The following BTG4 variants were observed in gnomAD, a reference collection of about 807,000 sequenced individuals.
BTG4 encodes the protein BTG anti-proliferation factor 4, also known as protein BTG4.
In BTG4, 10 loss-of-function variants were observed where a neutral mutation model predicts 19.3. That is an observed-to-expected ratio of 0.52 (90% CI 0.32 to 0.88). The LOEUF (loss-of-function observed/expected upper bound fraction) is 0.88. BTG4 is among the 40% of genes least tolerant of loss of function. The pLI, the probability that BTG4 is intolerant of heterozygous loss-of-function variation, is 0.04. For missense variants in BTG4, 238 were observed against 281.9 expected (o/e 0.84, Z 1.11); for synonymous variants, 91 against 95.7 (o/e 0.95, Z 0.29).
chr11:111,498,869 T>A, intron 1 of BTG4, 67 bp from the exon 2 acceptor site: 1 of 1,156,310 alleles, frequency 8.6e-7, no homozygotes, highest in Non-Finnish European at 1.2e-6. Flanking sequence ...AATATTTAAC[T>A]GCCATTTGGA....
chr11:111,506,482 G>C (rs1211338129), intron 1 of BTG4, among the ~76,000 whole-genome samples: 1 of 152,012 alleles, frequency 6.6e-6, no homozygotes, highest in Admixed American at 6.6e-5. Flanking sequence ...GACTCCAAAG[G>C]TGGGTGGGGA....
At chr11:111,502,363 A>C (rs1021619564) in intron 1 of BTG4, among the ~76,000 whole-genome samples, 1 of 152,220 alleles carries the variant, frequency 6.6e-6, no homozygotes, top group African/African-American at 2.4e-5. Flanking sequence ...GCAAAAGTGG[A>C]AATCATTAAG....
At chr11:111,408,344 C>T in the BTG4 span, among the ~76,000 whole-genome samples, 6 of 152,204 alleles carry the variant, frequency 3.9e-5, no homozygotes, top group Non-Finnish European at 7.3e-5. Context: ...CTTACTGCTC[C>T]TGGGGAAGAG....
chr11:111,471,058 C>T (rs921418117), intron 5 of BTG4, among the ~76,000 whole-genome samples: 1 of 152,090 alleles, frequency 6.6e-6, no homozygotes, highest in Non-Finnish European at 1.5e-5. Flanking sequence ...TTCTTATGAA[C>T]AAGAACATAT....
chr11:111,488,750 A>G (rs1039262192), intron 5 of BTG4, among the ~76,000 whole-genome samples: 1 of 152,190 alleles, frequency 6.6e-6, no homozygotes, highest in Admixed American at 6.5e-5. Flanking sequence ...CTCAATAGGG[A>G]AAAAAATTCA....
At chr11:111,439,178 G>A in the BTG4 span, among the ~76,000 whole-genome samples, 3 of 152,248 alleles carry the variant, frequency 2.0e-5, no homozygotes, top group Non-Finnish European at 2.9e-5. Context: ...TCTCAGCTGA[G>A]TTTAAAGTTT....
At position 111,498,119 on chromosome 11, in the gene BTG4, T is replaced by G. The variant is rs1865850908; in HGVS notation, c.190A>C (p.Asn64His). The change falls in exon 3 of 5, where the codon AAC becomes CAC. Residue 64 changes from asparagine (N) to histidine (H), a missense_variant. Transcript: ENST00000692032. The part of the protein sequence containing the change: ...GQAFRCIRIN[N>H]NQNKDPILER... ...AGAATGGGATCTTTATTCTGATTGT[T>G]GTTTATCCTGATGCACCTTTTTAAA... The G allele has an allele frequency of 6.2e-7, 1 of 1,613,962 alleles. No homozygotes were observed. The highest frequency in any genetic ancestry group is 1.7e-5 in the Admixed American group (1 of 60,006).
the BTG4 span, chr11:111,462,095 C>T: frequency 6.5e-6 from 1 of 152,732 alleles, no homozygotes; most frequent in African/African-American, 2.4e-5. Flanking sequence ...ACAGTTTTCT[C>T]TTTGAAAGTT....
At chr11:111,495,958 T>A (rs1865701214) in intron 4 of BTG4, among the ~76,000 whole-genome samples, 1 of 152,160 alleles carries the variant, frequency 6.6e-6, no homozygotes, top group South Asian at 2.1e-4. Flanking sequence ...AAGTCACTGT[T>A]TCCAAGAAAC....
the BTG4 span, among the ~76,000 whole-genome samples, chr11:111,413,800 G>T: frequency 6.6e-6 from 1 of 152,198 alleles, no homozygotes; most frequent in African/African-American, 2.4e-5. Flanking sequence ...GAAGAGAAGG[G>T]GACAGATGAG....
chr11:111,432,051 A>C, the BTG4 span, among the ~76,000 whole-genome samples: 4 of 152,244 alleles, frequency 2.6e-5, no homozygotes, highest in Non-Finnish European at 5.9e-5. Context: ...AGTGCAAATC[A>C]GTAAGCACTT....
chr11:111,497,945 C>T (rs752040256), intron 3 of BTG4, 53 bp downstream of exon 3: 7 of 1,575,532 alleles, frequency 4.4e-6, no homozygotes, highest in Admixed American at 1.7e-5. Context: ...GTAAAGTTGT[C>T]TAACTTAAGG....
intron 3 of BTG4, 87 bp downstream of exon 3, chr11:111,497,911 G>T: frequency 7.0e-7 from 1 of 1,430,674 alleles, no homozygotes; most frequent in Non-Finnish European, 9.5e-7. Flanking sequence ...CAAGGCTTTG[G>T]GGCATCATCT....
At position 111,497,135 on chromosome 11, in the gene BTG4, T is replaced by C. The variant is rs538992140; in HGVS notation, c.510+76A>G. On this transcript the variant is annotated intron_variant, in intron 4 of 4. Coordinates refer to ENST00000692032, the MANE Select transcript of BTG4 (RefSeq NM_001367975.1). ...GTTCTTTCCATGTTTTTTTGCTTCT[T>C]TGTTTTCATAATGAGTGCATTCTTT... 3.1e-5 allele frequency: 42 copies of C among 1,371,766 alleles called. No homozygotes were observed. In the East Asian group the frequency reaches 8.6e-4, roughly 28 times the overall value. 85.0% of individuals were successfully genotyped at this position (1,371,766 alleles called of 1,614,324 possible). A position where few individuals can be genotyped will look rare whatever the true frequency, so the allele number is the denominator to read the frequency against.
the BTG4 span, chr11:111,448,714 A>G: frequency 2.6e-5 from 4 of 152,506 alleles, no homozygotes; most frequent in Non-Finnish European, 5.9e-5. Flanking sequence ...CGTTTCCAGG[A>G]CTGTTTTGGT....
chr11:111,437,564 C>T, the BTG4 span, among the ~76,000 whole-genome samples: 137 of 152,318 alleles, frequency 9.0e-4, 1 homozygote, highest in Non-Finnish European at 1.7e-3. Flanking sequence ...GAAGGTTAGG[C>T]CAATGCCAGT....
the BTG4 span, chr11:111,398,088 C>G: frequency 6.6e-5 from 10 of 152,208 alleles, no homozygotes; most frequent in African/African-American, 2.4e-4. Context: ...ACCACCATCA[C>G]CACTACTAAT....
chr11:111,466,320 G>A (rs146090884), downstream of BTG4, among the ~76,000 whole-genome samples: 7 of 152,172 alleles, frequency 4.6e-5, no homozygotes, highest in East Asian at 1.3e-3. Context: ...AAATACTCAA[G>A]GCCATTACAG....
the BTG4 span, among the ~76,000 whole-genome samples, chr11:111,433,921 G>A: frequency 6.6e-6 from 1 of 152,210 alleles, no homozygotes; most frequent in Non-Finnish European, 1.5e-5. Context: ...AGAGGATGTG[G>A]AAAAATAGGA....
Sources: gnomAD v4.1 joint callset for allele counts (sites outside exome capture counted in the v4.1 genomes callset) on GRCh38, gnomAD v4.1.1 for gene constraint, MANE v1.5 for transcripts, NCBI Gene and HGNC (gene_info 2026-07-23, HGNC 2026-07-21) for gene names.